The following GNPAT variants were observed in gnomAD, a reference collection of about 807,000 sequenced individuals.
GNPAT encodes the protein glyceronephosphate O-acyltransferase, also known as dihydroxyacetone phosphate acyltransferase.
GNPAT carries 30 observed loss-of-function variants against 78.4 expected under a neutral mutation model. That is an observed-to-expected ratio of 0.38 (90% CI 0.29 to 0.52). The LOEUF (loss-of-function observed/expected upper bound fraction) is 0.52, where lower values mean the gene tolerates loss of function less well. Among genes scored for constraint, GNPAT ranks in the 20% least tolerant of loss-of-function variants. GNPAT has a pLI of 0.84. For synonymous variants in GNPAT, 271 were observed against 281.1 expected, an observed-to-expected ratio of 0.96 and a Z score of 0.36; for missense variants, 714 against 812.2, an observed-to-expected ratio of 0.88 and a Z score of 1.47.
Position 231,265,758 on chromosome 1 carries a change from G to A in GNPAT, c.743G>A (p.Arg248His), listed in dbSNP as rs1388868958. 8.7e-6 allele frequency: 14 copies of A among 1,604,456 alleles called. No individual in the cohort carries two copies. The highest frequency in any genetic ancestry group is 2.7e-5 in the African/African-American group (2 of 74,708). Reference protein sequence around the residue: ...VEFFLEGTRSRSAKTLTPKFG... With the variant: ...VEFFLEGTRSHSAKTLTPKFG... The stretch of plus-strand genomic sequence containing the variant: ...TTTTTCCTCGAAGGGACAAGAAGCC[G>A]CTCTGCCAAGACATTGACTCCTAAA... The change falls in exon 6 of 16, where the codon CGC becomes CAC. Residue 248 changes from arginine to histidine, a missense_variant. Transcript: ENST00000366647.
Position 231,260,645 on chromosome 1 carries a change from T to G in GNPAT, c.400T>G (p.Phe134Val). 6.2e-7 allele frequency: 1 copy of G among 1,613,078 alleles called. No homozygotes were observed. The highest frequency in any genetic ancestry group is 8.5e-7 in the Non-Finnish European group (1 of 1,179,106). ...CCTGAGCAAAGTATTTAAACAAATT[T>G]TCTCGAAGGTGTGTGTAAATGAAGA... ...FTLSKVFKQI[F>V]SKVCVNEEGI... Residue 134 changes from phenylalanine (F) to valine (V), a missense_variant, in exon 3 of 16, where the codon TTC becomes GTC. By Grantham distance (50) the Phe-to-Val change is conservative. Transcript: ENST00000366647.
rs756937031 is a variant in GNPAT, at chr1:231,260,604, G to A, written c.359G>A (p.Arg120Gln). The A allele has an allele frequency of 6.8e-6, 11 of 1,612,880 alleles. No individual in the cohort carries two copies. The highest frequency in any genetic ancestry group is 1.3e-5 in the African/African-American group (1 of 74,830). ...CACAAACTGCGTCTTGGAGCCATTC[G>A]GTTTTGTGCCTTCACCCTGAGCAAA... ...MSHKLRLGAIRFCAFTLSKVF... is the reference protein window; with the variant it reads ...MSHKLRLGAIQFCAFTLSKVF... The change falls in exon 3 of 16, where the codon CGG becomes CAG. Residue 120 changes from arginine (R) to glutamine (Q), a missense_variant. By Grantham distance (43) the Arg-to-Gln change is conservative. Coordinates refer to ENST00000366647, the MANE Select transcript of GNPAT (RefSeq NM_014236.4).
chr1:231,244,331 G>T (rs1181345591), intron 1 of GNPAT, among the ~76,000 whole-genome samples: 4 of 152,196 alleles, frequency 2.6e-5, no homozygotes, highest in Admixed American at 2.0e-4. Flanking sequence ...TGCTATTGCA[G>T]TAATCCAGAG....
chr1:231,274,181 GGA>G, intron 12 of GNPAT, 119 bp downstream of exon 12: 1 of 888,222 alleles, frequency 1.1e-6, no homozygotes, highest in Non-Finnish European at 1.9e-6. Flanking sequence ...AATGGAAGAA[GGA>G]GAGAGAGTGA....
At chr1:231,252,550 G>A (rs908634386) in intron 2 of GNPAT, among the ~76,000 whole-genome samples, 1 of 152,170 alleles carries the variant, frequency 6.6e-6, no homozygotes, top group South Asian at 2.1e-4. Context: ...GCTTGGTCCC[G>A]CCCAGATCCT....
chr1:231,277,636 C>T lies in GNPAT; in HGVS notation c.*94C>T. The T allele has an allele frequency of 1.3e-6, 1 of 796,668 alleles. No individual in the cohort carries two copies. The highest frequency in any genetic ancestry group is 2.4e-5 in the East Asian group (1 of 41,124). The allele number at this position is 796,668 out of a possible 1,614,324, so 49.3% of individuals were successfully genotyped here. On this transcript the variant is annotated 3_prime_UTR_variant, in exon 16 of 16. Transcript: ENST00000366647. ...CAGGGAAGTAAAGGAAGAGACACAT[C>T]CTCTCATACTCCCTGAGACTCTGAG...
At chr1:231,243,986 G>A (rs1395409765) in intron 1 of GNPAT, among the ~76,000 whole-genome samples, 3 of 151,676 alleles carry the variant, frequency 2.0e-5, no homozygotes, top group Non-Finnish European at 2.9e-5. Context: ...TTGGCTCACT[G>A]CAACCTCCAC....
chr1:231,256,796 G>A (rs112793105), intron 2 of GNPAT, among the ~76,000 whole-genome samples: 9 of 152,084 alleles, frequency 5.9e-5, no homozygotes, highest in African/African-American at 1.4e-4. Flanking sequence ...AATTTTCTCT[G>A]TTAAATGTCT....
intron 1 of GNPAT, among the ~76,000 whole-genome samples, chr1:231,248,118 G>A (rs535809163): frequency 3.3e-5 from 5 of 152,204 alleles, no homozygotes; most frequent in East Asian, 3.9e-4. Context: ...CTGCACAGTC[G>A]AAAATTCACA....
At position 231,255,997 on chromosome 1, in the gene GNPAT, C is replaced by A. The variant is rs1685045706; in HGVS notation, c.262-4510C>A. Among the ~76,000 whole-genome samples the A allele has an allele frequency of 2.0e-5, 3 of 152,042 alleles. No individual in the cohort carries two copies. The South Asian group carries it at 6.2e-4, about 32-fold the overall frequency. ...TCCTCATTTGCTTTTATGGGCTTTT[C>A]CTTTGCCTGTCTCTTTAAATGATGG... On this transcript the variant is annotated intron_variant, in intron 2 of 15. Transcript: ENST00000366647.
At chr1:231,277,405 A>G in intron 15 of GNPAT, 94 bp from the exon 16 acceptor site, 1 of 812,506 alleles carries the variant, frequency 1.2e-6, no homozygotes, top group East Asian at 2.4e-5. Flanking sequence ...ACAAGTCTCC[A>G]GCTTCTCCCC....
chr1:231,275,774 T>G (rs1027608498), intron 14 of GNPAT, among the ~76,000 whole-genome samples: 2 of 152,194 alleles, frequency 1.3e-5, no homozygotes, highest in Non-Finnish European at 2.9e-5. Context: ...ACAAGAAAGA[T>G]TTTCGGGAGT....
chr1:231,268,307 A>C (rs1327697532), intron 9 of GNPAT, among the ~76,000 whole-genome samples: 1 of 152,174 alleles, frequency 6.6e-6, no homozygotes, highest in Non-Finnish European at 1.5e-5. Flanking sequence ...GTCTCAAAAA[A>C]GAAAGAAAAA....
chr1:231,267,708 A>G lies in GNPAT; in HGVS notation c.1084A>G (p.Met362Val), dbSNP rs773568452. The G allele has an allele frequency of 8.1e-6, 13 of 1,604,046 alleles. No individual in the cohort carries two copies. The highest frequency in any genetic ancestry group is 3.3e-5 in the South Asian group (3 of 90,898). ...CATTCCTCAGAAACAGTCTGAGGAC[A>G]TGCATGCCTTTGTCACTGAAGTTGC... is the stretch of plus-strand genomic sequence containing the variant. ...RYIPQKQSED[M>V]HAFVTEVAYK... Residue 362 changes from methionine to valine, a missense_variant, in exon 9 of 16, where the codon ATG (methionine) becomes GTG (valine). Physicochemically the swap from Met to Val is conservative, Grantham distance 21. Coordinates refer to ENST00000366647, the MANE Select transcript of GNPAT (RefSeq NM_014236.4).
At chr1:231,250,411 A>G (rs1684861548) in intron 1 of GNPAT, among the ~76,000 whole-genome samples, 1 of 152,182 alleles carries the variant, frequency 6.6e-6, no homozygotes, top group Admixed American at 6.5e-5. Flanking sequence ...CAGCCTGAGC[A>G]AGAGAATAAG....
At chr1:231,273,856 A>C in intron 11 of GNPAT, 66 bp from the exon 12 acceptor site, 1 of 1,258,286 alleles carries the variant, frequency 7.9e-7, no homozygotes, top group Non-Finnish European at 1.2e-6. Context: ...GAGGGGGTAC[A>C]TGTATTCAGA....
At chr1:231,271,045 C>T in intron 10 of GNPAT, 45 bp downstream of exon 10, 5 of 1,603,688 alleles carry the variant, frequency 3.1e-6, no homozygotes, top group Non-Finnish European at 4.3e-6. Flanking sequence ...GAGGTCTGGC[C>T]ATTCCATTCC....
chr1:231,273,541 G>A (rs1346466659), intron 11 of GNPAT, among the ~76,000 whole-genome samples: 1 of 152,106 alleles, frequency 6.6e-6, no homozygotes, highest in South Asian at 2.1e-4. Flanking sequence ...GTGAGCCACC[G>A]CGCCCAGCCA....
intron 1 of GNPAT, among the ~76,000 whole-genome samples, chr1:231,243,701 G>T (rs1684675764): frequency 6.6e-6 from 1 of 152,078 alleles, no homozygotes; most frequent in South Asian, 2.1e-4. Context: ...CTACTCCCTT[G>T]CATATTTGGG....
Sources: gnomAD v4.1 joint callset for allele counts (sites outside exome capture counted in the v4.1 genomes callset) on GRCh38, gnomAD v4.1.1 for gene constraint, MANE v1.5 for transcripts, NCBI Gene and HGNC (gene_info 2026-07-23, HGNC 2026-07-21) for gene names.